The following DNAH17 variants were observed in gnomAD, a reference collection of about 807,000 sequenced individuals.
DNAH17 encodes the protein axonemal beta dynein heavy chain 17.
Under a neutral mutation model 485.6 loss-of-function variants are expected in DNAH17, and 376 were observed. That is an observed-to-expected ratio of 0.77 (90% CI 0.71 to 0.84). The LOEUF is 0.84. Among genes scored for constraint, DNAH17 ranks in the 40% least tolerant of loss-of-function variants. The probability of loss-of-function intolerance (pLI) is 0.00; values close to 1 mark genes in which losing one functional copy is unlikely to be tolerated. For synonymous variants in DNAH17, 3,031 were observed against 2,405.9 expected, an observed-to-expected ratio of 1.26 and a Z score of -7.60; for missense variants, 6,370 against 5,839.3, an observed-to-expected ratio of 1.09 and a Z score of -2.96.
chr17:78,457,473 TA>T (rs2087861324), intron 62 of DNAH17, among the ~76,000 whole-genome samples: 1 of 152,184 alleles, frequency 6.6e-6, no homozygotes, highest in Non-Finnish European at 1.5e-5. Flanking sequence ...TGATAATTTT[TA>T]TATTAGTTAC....
rs2087511696 is a variant in DNAH17 at position 78,450,726 on chromosome 17, T to G, written c.10855A>C (p.Asn3619His). Reference sequence around the variant, plus strand: ...GCTGTGTGCTTGGTGGTCTCCAGATTCTCCACCAAGGCCGTGTCTCCCAGA... The same window carrying G: ...GCTGTGTGCTTGGTGGTCTCCAGATGCTCCACCAAGGCCGTGTCTCCCAGA... Reference protein sequence around the residue: ...NFLGDTALVENLETTKHTASE... With the variant: ...NFLGDTALVEHLETTKHTASE... The change falls in exon 67 of 81, where the codon AAT becomes CAT. Residue 3619 changes from asparagine (N) to histidine (H), a missense_variant. Physicochemically the swap from Asn to His is moderately conservative, Grantham distance 68. Coordinates refer to ENST00000389840, the MANE Select transcript of DNAH17 (RefSeq NM_173628.4). The G allele has an allele frequency of 1.2e-6, 2 of 1,613,698 alleles. No homozygotes were observed. Among genetic ancestry groups the G allele is most frequent in the Admixed American group, 3.3e-5 (2 of 60,002 alleles).
chr17:78,482,247 A>G (rs1347428158), intron 48 of DNAH17, among the ~76,000 whole-genome samples: 1 of 151,878 alleles, frequency 6.6e-6, no homozygotes, highest in Non-Finnish European at 1.5e-5. Context: ...GTCTCACTAT[A>G]TGACCTGGGT....
At chr17:78,533,476 A>G (rs2091294021) in intron 19 of DNAH17, among the ~76,000 whole-genome samples, 1 of 152,114 alleles carries the variant, frequency 6.6e-6, no homozygotes, top group African/African-American at 2.4e-5. Context: ...TGTTAGGGGA[A>G]CTAAAGGAAG....
chr17:78,568,650 A>G (rs1283666269), intron 9 of DNAH17, among the ~76,000 whole-genome samples: 1 of 152,096 alleles, frequency 6.6e-6, no homozygotes, highest in East Asian at 1.9e-4. Flanking sequence ...CAGTGGCGCA[A>G]TCATGACTCA....
chr17:78,529,772 G>C lies in DNAH17; in HGVS notation c.3285-78C>G, dbSNP rs1448011077. 3 of 1,460,818 alleles carry C rather than the reference G, an allele frequency of 2.1e-6. No individual in the cohort carries two copies. In the African/African-American group the frequency reaches 4.2e-5, roughly 20 times the overall value. 90.5% of individuals were successfully genotyped at this position (1,460,818 alleles called of 1,614,324 possible). A position where few individuals can be genotyped will look rare whatever the true frequency, so the allele number is the denominator to read the frequency against. ...TTGATGGTACGGAGCCCCATGAGAGGGGGACGACCGCGGTGAGGTCAACTG... is the reference window on the plus strand; with the variant it reads ...TTGATGGTACGGAGCCCCATGAGAGCGGGACGACCGCGGTGAGGTCAACTG... On this transcript the variant is annotated intron_variant, in intron 21 of 80. Coordinates refer to ENST00000389840, the MANE Select transcript of DNAH17 (RefSeq NM_173628.4).
chr17:78,495,437 GTT>G (rs147600821), intron 38 of DNAH17, among the ~76,000 whole-genome samples: 61,113 of 134,668 alleles, frequency 0.45, 13,818 homozygotes, highest in East Asian at 0.68. Flanking sequence ...TCCTGGGAGT[GTT>G]TTTTTTTTTT....
At position 78,551,764 on chromosome 17, in the gene DNAH17, C is replaced by G. The variant is rs113657698; in HGVS notation, c.2288-126G>C. The G allele has an allele frequency of 4.2e-3, 3,343 of 795,378 alleles. 65 individuals carry two copies. The African/African-American group carries it at 0.043, about 10-fold the overall frequency. The allele number at this position is 795,378 out of a possible 1,614,324, so 49.3% of individuals were successfully genotyped here. ...GAATCACGAGGTCGGGAGTTCGAGA[C>G]CAGCCTGGGCAACATGGTGAAACCC... On this transcript the variant is annotated intron_variant, in intron 15 of 80. Transcript: ENST00000389840.
chr17:78,423,894 G>A lies in DNAH17; in HGVS notation c.*12C>T, dbSNP rs781607423. Reference sequence around the variant, plus strand: ...CAGCCCCAGGGAGTGTGGGCTGTGAGGCAGGAGCGAGCTAAACCTGTAGGA... The same window carrying A: ...CAGCCCCAGGGAGTGTGGGCTGTGAAGCAGGAGCGAGCTAAACCTGTAGGA... On this transcript the variant is annotated 3_prime_UTR_variant, in exon 81 of 81. Transcript: ENST00000389840. The A allele has an allele frequency of 5.6e-6, 9 of 1,613,520 alleles. No homozygotes were observed. Among genetic ancestry groups the A allele is most frequent in the South Asian group, 5.5e-5 (5 of 90,998 alleles).
chr17:78,519,121 T>G (rs545463955), intron 25 of DNAH17, among the ~76,000 whole-genome samples: 352 of 122,880 alleles, frequency 2.9e-3, no homozygotes, highest in Middle Eastern at 9.3e-3. Flanking sequence ...TGAGCCAAGA[T>G]AGCGCCACTG....
In DNAH17 at chr17:78,444,588, G is replaced by A. The variant is rs757452758; in HGVS notation, c.11528+16C>T. On this transcript the variant is annotated intron_variant, in intron 71 of 80. Coordinates refer to ENST00000389840, the MANE Select transcript of DNAH17 (RefSeq NM_173628.4). ...GGGCCTCGGGGGCGGGGCCCCCGGC[G>A]CGGCGGGACACTCACTTGATAGCGT... is the stretch of plus-strand genomic sequence containing the variant. 54 of 1,536,150 alleles carry A rather than the reference G, an allele frequency of 3.5e-5. No homozygotes were observed. Among genetic ancestry groups the A allele is most frequent in the South Asian group, 1.7e-4 (14 of 82,980 alleles).
Position 78,462,914 on chromosome 17 carries a change from C to T in DNAH17, c.9104G>A (p.Arg3035Lys). The T allele has an allele frequency of 6.2e-7, 1 of 1,614,006 alleles. No homozygotes were observed. The highest frequency in any genetic ancestry group is 8.5e-7 in the Non-Finnish European group (1 of 1,179,896). Reference sequence around the variant, plus strand: ...CTCGATTTTGGCAACAAGTTCCGTTCTCTTCTTGGCCAGCAGGTTCTGGTA... The same window carrying T: ...CTCGATTTTGGCAACAAGTTCCGTTTTCTTCTTGGCCAGCAGGTTCTGGTA... ...KLYQNLLAKK[R>K]TELVAKIERL... Residue 3035 changes from arginine to lysine, a missense_variant, in exon 57 of 81, where the codon AGA becomes AAA. Arg to Lys is a conservative substitution (Grantham distance 26, BLOSUM62 2). Transcript: ENST00000389840.
chr17:78,427,315 T>C (rs1320192758), intron 77 of DNAH17, among the ~76,000 whole-genome samples: 1 of 152,236 alleles, frequency 6.6e-6, no homozygotes, highest in East Asian at 1.9e-4. Context: ...CCGAGCATTC[T>C]GATCTCACTA....
At position 78,566,231 on chromosome 17, in the gene DNAH17, C is replaced by T. The variant is rs138448817; in HGVS notation, c.1569+383G>A. Among the ~76,000 whole-genome samples the T allele has an allele frequency of 3.8e-4, 58 of 152,300 alleles. No individual in the cohort carries two copies. The East Asian group carries it at 8.9e-3, about 23-fold the overall frequency. ...CATGGACGAAGGCACTCTATAAATT[C>T]AGCTCAGTGGGCCAAAATCTGCATT... On this transcript the variant is annotated intron_variant, in intron 11 of 80. Coordinates refer to ENST00000389840, the MANE Select transcript of DNAH17 (RefSeq NM_173628.4).
rs566422100 is a variant in DNAH17 at position 78,501,453 on chromosome 17, T to TC, written c.5323-110dup. 17 of 1,323,574 alleles carry TC rather than the reference T, an allele frequency of 1.3e-5. No individual in the cohort carries two copies. The African/African-American group carries it at 1.9e-4, about 15-fold the overall frequency. 82.0% of individuals were successfully genotyped at this position (1,323,574 alleles called of 1,614,324 possible). The stretch of plus-strand genomic sequence containing the variant: ...CGGTCCCCTGCTGCCCAGGGAACCC[T>TC]CCCTGGCCCTCTTTCCCCCTCCAGC... On this transcript the variant is annotated intron_variant, in intron 34 of 80. Coordinates refer to ENST00000389840, the MANE Select transcript of DNAH17 (RefSeq NM_173628.4).
At chr17:78,499,149 G>T in intron 36 of DNAH17, 37 bp from the exon 37 acceptor site, 2 of 1,467,386 alleles carry the variant, frequency 1.4e-6, no homozygotes, top group South Asian at 1.3e-5. Flanking sequence ...AGAGCTGGGA[G>T]GGTGACAGGG....
intron 24 of DNAH17, among the ~76,000 whole-genome samples, chr17:78,525,481 T>C (rs2091043524): frequency 6.6e-6 from 1 of 152,262 alleles, no homozygotes; most frequent in Admixed American, 6.5e-5. Context: ...TCATATTATA[T>C]TTTTATCTTA....
chr17:78,563,775 CA>C (rs34851394), intron 11 of DNAH17, among the ~76,000 whole-genome samples: 51,352 of 151,582 alleles, frequency 0.34, 10,118 homozygotes, highest in African/African-American at 0.55. Flanking sequence ...GAAGGGACAA[CA>C]AGGGAGAGAA....
At chr17:78,530,646 A>G in intron 20 of DNAH17, 134 bp from the exon 21 acceptor site, 1 of 1,039,350 alleles carries the variant, frequency 9.6e-7, no homozygotes, top group Non-Finnish European at 1.4e-6. Context: ...GGCCAGGGTC[A>G]GCAAAGGGCA....
intron 75 of DNAH17, among the ~76,000 whole-genome samples, chr17:78,432,861 G>A (rs1190189213): frequency 1.3e-5 from 2 of 149,906 alleles, no homozygotes; most frequent in Admixed American, 6.7e-5. Context: ...GTGACTTGCT[G>A]GAGGTCTCAG....
Sources: allele counts gnomAD v4.1 joint callset (sites outside exome capture counted in the v4.1 genomes callset), GRCh38; gene constraint gnomAD v4.1.1; transcripts MANE v1.5; gene names NCBI Gene and HGNC (gene_info 2026-07-23, HGNC 2026-07-21).